Variants in SLC24A3 observed in about 807,000 individuals in gnomAD.
SLC24A3 encodes sodium/potassium/calcium exchanger 3.
In SLC24A3, 28 loss-of-function variants were observed where a neutral mutation model predicts 75.8. That is an observed-to-expected ratio of 0.37 (90% confidence interval 0.27 to 0.51). The LOEUF (loss-of-function observed/expected upper bound fraction) is 0.51, where lower values mean the gene tolerates loss of function less well. Among genes scored for constraint, SLC24A3 ranks in the 20% least tolerant of loss-of-function variants. SLC24A3 has a pLI of 0.94. For missense variants in SLC24A3, 663 were observed against 847.8 expected, an observed-to-expected ratio of 0.78 and a Z score of 2.71; for synonymous variants, 372 against 334.1, an observed-to-expected ratio of 1.11 and a Z score of -1.24.
rs534368001 is a variant in SLC24A3, at chr20:19,502,187, G to T, written c.272-13301G>T. Among the ~76,000 whole-genome samples the T allele has an allele frequency of 2.6e-5, 4 of 152,212 alleles. No homozygotes were observed. The East Asian group carries it at 7.7e-4, about 29-fold the overall frequency. ...CAGGCAGAAAGCAGCAGTCTTACTCGGTTGAGGCATCAGAGATTGGAGCTT... is the reference window on the plus strand; with the variant it reads ...CAGGCAGAAAGCAGCAGTCTTACTCTGTTGAGGCATCAGAGATTGGAGCTT... On this transcript the variant is annotated intron_variant, in intron 2 of 16. Coordinates refer to ENST00000328041, the MANE Select transcript of SLC24A3 (RefSeq NM_020689.4).
intron 7 of SLC24A3, among the ~76,000 whole-genome samples, chr20:19,654,580 G>A (rs552437681): frequency 2.0e-5 from 3 of 150,826 alleles, no homozygotes; most frequent in Non-Finnish European, 4.4e-5. Context: ...TCCAGTGGTG[G>A]ATAAAGAACT....
intron 7 of SLC24A3, among the ~76,000 whole-genome samples, chr20:19,660,332 TGTATGC>T (rs1332983918): frequency 3.4e-5 from 5 of 148,684 alleles, no homozygotes; most frequent in Non-Finnish European, 6.0e-5. Flanking sequence ...GCCACCACGC[TGTATGC>T]CTTTGCATAC....
intron 3 of SLC24A3, among the ~76,000 whole-genome samples, chr20:19,572,576 T>A (rs1318338265): frequency 6.6e-6 from 1 of 152,196 alleles, no homozygotes; most frequent in Non-Finnish European, 1.5e-5. Flanking sequence ...TTCAAAGAAA[T>A]TGAGGCATTC....
chr20:19,450,682 T>C (rs933545903), intron 2 of SLC24A3, among the ~76,000 whole-genome samples: 2 of 152,146 alleles, frequency 1.3e-5, no homozygotes, highest in African/African-American at 4.8e-5. Context: ...GCTTAGTGAA[T>C]AGATGATACC....
intron 2 of SLC24A3, among the ~76,000 whole-genome samples, chr20:19,401,751 A>G (rs747919377): frequency 3.3e-5 from 5 of 152,194 alleles, no homozygotes; most frequent in Non-Finnish European, 1.5e-5. Context: ...AGTGTAGAGA[A>G]ATAATGCCCT....
At chr20:19,299,941 A>G (rs529187801) in intron 2 of SLC24A3, among the ~76,000 whole-genome samples, 5 of 152,214 alleles carry the variant, frequency 3.3e-5, no homozygotes, top group African/African-American at 1.2e-4. Context: ...TGGCCCTGGC[A>G]TTCAGGTCTT....
chr20:19,505,411 C>T (rs1988447548), intron 2 of SLC24A3, among the ~76,000 whole-genome samples: 1 of 152,184 alleles, frequency 6.6e-6, no homozygotes, highest in Non-Finnish European at 1.5e-5. Context: ...AAAAACAAAT[C>T]TTTGTTGAAA....
intron 2 of SLC24A3, among the ~76,000 whole-genome samples, chr20:19,483,561 T>C (rs1988088639): frequency 6.6e-6 from 1 of 152,200 alleles, no homozygotes; most frequent in Admixed American, 6.5e-5. Context: ...GTCTGCTGTT[T>C]TTCTTGCCCT....
At chr20:19,617,083 C>T (rs1006993060) in intron 6 of SLC24A3, among the ~76,000 whole-genome samples, 3 of 152,108 alleles carry the variant, frequency 2.0e-5, no homozygotes, top group Admixed American at 1.3e-4. Flanking sequence ...GGAGATTGCA[C>T]GTGAAGTCAA....
At chr20:19,467,837 C>T (rs1226478369) in intron 2 of SLC24A3, among the ~76,000 whole-genome samples, 1 of 150,416 alleles carries the variant, frequency 6.6e-6, no homozygotes. Context: ...GCTGAGATCA[C>T]ACCACTGCAC....
At chr20:19,328,752 TGTGCATCTGGA>T (rs768248569) in intron 2 of SLC24A3, among the ~76,000 whole-genome samples, 2 of 152,084 alleles carry the variant, frequency 1.3e-5, no homozygotes, top group Non-Finnish European at 2.9e-5. Context: ...AATAAGAGTG[TGTGCATCTGGA>T]GTTCAGGCTG....
intron 2 of SLC24A3, among the ~76,000 whole-genome samples, chr20:19,392,839 G>A (rs562430962): frequency 7.2e-4 from 109 of 152,314 alleles, no homozygotes; most frequent in African/African-American, 2.6e-3. Context: ...CCACCACAAA[G>A]GCAGGTGATC....
At chr20:19,677,672 A>G (rs1309290002) in intron 9 of SLC24A3, among the ~76,000 whole-genome samples, 9 of 124,410 alleles carry the variant, frequency 7.2e-5, no homozygotes, top group Non-Finnish European at 1.4e-4. Context: ...CTCTTTTAGG[A>G]TTCTTTTTTT....
intron 2 of SLC24A3, among the ~76,000 whole-genome samples, chr20:19,455,810 G>A (rs1417313849): frequency 3.3e-5 from 5 of 152,226 alleles, no homozygotes; most frequent in African/African-American, 4.8e-5. Context: ...GTCGCCTTCT[G>A]GGGGAAGTCA....
chr20:19,714,421 AAAAAAC>A (rs2033021623), intron 15 of SLC24A3, among the ~76,000 whole-genome samples: 1 of 137,388 alleles, frequency 7.3e-6, no homozygotes, highest in African/African-American at 2.7e-5. Flanking sequence ...AAAAAAAAAA[AAAAAAC>A]AACAAAAAGA....
intron 2 of SLC24A3, among the ~76,000 whole-genome samples, chr20:19,419,840 T>A (rs1029780384): frequency 4.1e-5 from 6 of 144,914 alleles, no homozygotes; most frequent in East Asian, 2.2e-4. Context: ...TTTTTTTTTT[T>A]ATTATACTCT....
chr20:19,293,758 C>T (rs1014464404), intron 2 of SLC24A3, among the ~76,000 whole-genome samples: 2 of 151,962 alleles, frequency 1.3e-5, no homozygotes, highest in African/African-American at 4.8e-5. Context: ...CAGAATTCCT[C>T]AGTAATTCCC....
At chr20:19,706,179 C>T (rs1464290906) in intron 15 of SLC24A3, among the ~76,000 whole-genome samples, 1 of 152,160 alleles carries the variant, frequency 6.6e-6, no homozygotes, top group Non-Finnish European at 1.5e-5. Context: ...TATTCTCACC[C>T]CACACTGTCT....
chr20:19,426,399 A>G (rs1987007189), intron 2 of SLC24A3, among the ~76,000 whole-genome samples: 1 of 152,198 alleles, frequency 6.6e-6, no homozygotes, highest in African/African-American at 2.4e-5. Flanking sequence ...AATTACTTAA[A>G]TATATTATTT....
Sources: allele counts gnomAD v4.1 joint callset (sites outside exome capture counted in the v4.1 genomes callset), GRCh38; gene constraint gnomAD v4.1.1; transcripts MANE v1.5; gene names NCBI Gene and HGNC (gene_info 2026-07-23, HGNC 2026-07-21).